ADAM12: variants seen among roughly 807,000 people sequenced by gnomAD.
ADAM12 encodes the protein disintegrin and metalloproteinase domain-containing protein 12.
In ADAM12, 70 loss-of-function variants were observed where a neutral mutation model predicts 106.4. The ratio of observed to expected loss-of-function variants is 0.66; its 90% CI spans 0.54 to 0.80. ADAM12 has a LOEUF of 0.80. Among genes scored for constraint, ADAM12 ranks in the 30% least tolerant of loss-of-function variants. ADAM12 has a pLI of 0.00. For missense variants in ADAM12, 1,010 were observed against 1,171.9 expected (o/e 0.86, Z 2.02); for synonymous variants, 420 against 433.5 (o/e 0.97, Z 0.39).
At chr10:126,315,419 A>C (rs1426562662) in intron 2 of ADAM12, among the ~76,000 whole-genome samples, 1 of 152,154 alleles carries the variant, frequency 6.6e-6, no homozygotes, top group Non-Finnish European at 1.5e-5. Context: ...ACAAAAATGC[A>C]TCCAATCTTT....
At position 126,019,881 on chromosome 10, in the gene ADAM12, T is replaced by C. The variant is rs1013014607; in HGVS notation, c.2530-56A>G. 8 of 1,538,898 alleles carry C rather than the reference T, an allele frequency of 5.2e-6. No homozygotes were observed. In the South Asian group the frequency reaches 8.5e-5, roughly 16 times the overall value. On this transcript the variant is annotated intron_variant, in intron 21 of 22. Transcript: ENST00000448723. ...CTTACCAGGAGCCAGCAGAGGCCCC[T>C]GAGAAGCAGGGCCTGCCGCTTGGCA... is the stretch of plus-strand genomic sequence containing the variant.
chr10:126,212,254 C>G (rs1273103556), intron 3 of ADAM12, among the ~76,000 whole-genome samples: 1 of 152,200 alleles, frequency 6.6e-6, no homozygotes, highest in Non-Finnish European at 1.5e-5. Flanking sequence ...AAAATTCAAT[C>G]TGAGTATGGT....
chr10:126,065,373 A>G (rs1954846099), intron 13 of ADAM12, among the ~76,000 whole-genome samples: 1 of 152,198 alleles, frequency 6.6e-6, no homozygotes, highest in African/African-American at 2.4e-5. Flanking sequence ...TGTCAACACT[A>G]TGACACATTT....
At chr10:126,069,835 T>G (rs185610675) in intron 12 of ADAM12, among the ~76,000 whole-genome samples, 1 of 151,996 alleles carries the variant, frequency 6.6e-6, no homozygotes, top group East Asian at 1.9e-4. Flanking sequence ...GTGATGATGT[T>G]GGGTGGAGGA....
intron 19 of ADAM12, 87 bp from the exon 20 acceptor site, chr10:126,038,436 A>G: frequency 9.7e-7 from 1 of 1,033,740 alleles, no homozygotes; most frequent in Middle Eastern, 2.1e-4. Flanking sequence ...AGTGGCACTC[A>G]AAAGACAGTT....
At chr10:126,190,241 A>C (rs1957475001) in intron 3 of ADAM12, among the ~76,000 whole-genome samples, 1 of 148,072 alleles carries the variant, frequency 6.8e-6, no homozygotes, top group African/African-American at 2.5e-5. Flanking sequence ...TCACTCTGTT[A>C]CCCAGCCTGG....
chr10:126,068,454 C>T (rs1478951552), intron 12 of ADAM12, among the ~76,000 whole-genome samples: 1 of 152,210 alleles, frequency 6.6e-6, no homozygotes, highest in Non-Finnish European at 1.5e-5. Context: ...TGCCAAATGG[C>T]TCTGACTTCA....
At chr10:126,175,988 C>T (rs1017691833) in intron 3 of ADAM12, among the ~76,000 whole-genome samples, 1 of 152,196 alleles carries the variant, frequency 6.6e-6, no homozygotes, top group East Asian at 1.9e-4. Flanking sequence ...TGGAAATCAA[C>T]ATTGTGTGTG....
chr10:126,244,306 C>T (rs1156650579), intron 3 of ADAM12, among the ~76,000 whole-genome samples: 3 of 152,194 alleles, frequency 2.0e-5, no homozygotes, highest in African/African-American at 7.2e-5. Flanking sequence ...AGGGTTCATG[C>T]TTGGGTCCGT....
At chr10:126,023,931 G>T (rs1953818535) in intron 21 of ADAM12, among the ~76,000 whole-genome samples, 3 of 150,800 alleles carry the variant, frequency 2.0e-5, no homozygotes, top group African/African-American at 7.3e-5. Flanking sequence ...AAGCATACAG[G>T]GAAACAAGGA....
intron 5 of ADAM12, among the ~76,000 whole-genome samples, chr10:126,133,972 T>G (rs1037998548): frequency 2.0e-5 from 3 of 152,228 alleles, no homozygotes; most frequent in African/African-American, 7.2e-5. Flanking sequence ...ATCATGTATC[T>G]TACTCTATGT....
intron 3 of ADAM12, among the ~76,000 whole-genome samples, chr10:126,227,494 T>A (rs1268409474): frequency 6.6e-6 from 1 of 152,170 alleles, no homozygotes; most frequent in Non-Finnish European, 1.5e-5. Flanking sequence ...AGTAGCACAC[T>A]TTTTTCATGA....
At chr10:126,356,020 G>T (rs528767729) in intron 1 of ADAM12, among the ~76,000 whole-genome samples, 5 of 152,156 alleles carry the variant, frequency 3.3e-5, no homozygotes, top group Admixed American at 1.3e-4. Context: ...ACACATTTTG[G>T]TAAAGAGCAA....
chr10:126,343,837 G>A (rs889223507), intron 1 of ADAM12, among the ~76,000 whole-genome samples: 3 of 152,170 alleles, frequency 2.0e-5, no homozygotes, highest in African/African-American at 7.2e-5. Context: ...CTTTTGAGAA[G>A]TGTCTGTTCA....
At chr10:126,329,128 T>TC (rs1854413699) in intron 2 of ADAM12, among the ~76,000 whole-genome samples, 6 of 136,798 alleles carry the variant, frequency 4.4e-5, no homozygotes, top group Non-Finnish European at 3.3e-5. Flanking sequence ...CAACAAATAC[T>TC]TAAAAAAAAA....
chr10:126,225,043 G>A (rs1382412635), intron 3 of ADAM12, among the ~76,000 whole-genome samples: 1 of 152,224 alleles, frequency 6.6e-6, no homozygotes, highest in Non-Finnish European at 1.5e-5. Flanking sequence ...CTTTAGAAAG[G>A]GGGCACCCCC....
intron 4 of ADAM12, among the ~76,000 whole-genome samples, chr10:126,147,440 G>A (rs1386555475): frequency 2.0e-5 from 3 of 152,112 alleles, no homozygotes; most frequent in South Asian, 2.1e-4. Context: ...GTCATGACAC[G>A]CCTTGAGGAA....
Position 126,251,870 on chromosome 10 carries a change from G to A in ADAM12, c.260+27045C>T, listed in dbSNP as rs566842706. On this transcript the variant is annotated intron_variant, in intron 3 of 22. Transcript: ENST00000448723. ...GGTGGGATGGATAGGACAGATGGATGGATGGGATGGATGCAATGGATGGAT... is the reference window on the plus strand; with the variant it reads ...GGTGGGATGGATAGGACAGATGGATAGATGGGATGGATGCAATGGATGGAT... Among the ~76,000 whole-genome samples the A allele has an allele frequency of 7.0e-5, 10 of 143,776 alleles. No homozygotes were observed. In the East Asian group the frequency reaches 2.3e-3, roughly 33 times the overall value. 94.3% of individuals were successfully genotyped at this position (143,776 alleles called of 152,430 possible).
chr10:126,130,188 ATT>A (rs60711105), intron 5 of ADAM12, among the ~76,000 whole-genome samples: 17 of 150,066 alleles, frequency 1.1e-4, no homozygotes, highest in South Asian at 4.2e-4. Context: ...CTCTAGTTGC[ATT>A]TTTTTTTTTC....
Sources: allele counts gnomAD v4.1 joint callset (sites outside exome capture counted in the v4.1 genomes callset), GRCh38; gene constraint gnomAD v4.1.1; transcripts MANE v1.5; gene names NCBI Gene and HGNC (gene_info 2026-07-23, HGNC 2026-07-21).